The following FBXW8 variants were observed in gnomAD, a reference collection of about 807,000 sequenced individuals.
The protein encoded by FBXW8 is F-box/WD repeat-containing protein 8.
In FBXW8, 57 loss-of-function variants were observed where a neutral mutation model predicts 65.3. That is an observed-to-expected ratio of 0.87 (90% CI 0.71 to 1.09). FBXW8 has a LOEUF of 1.09. Ranked by LOEUF, FBXW8 falls within the 50% of genes least tolerant of loss-of-function variation. FBXW8 has a pLI of 0.00. For synonymous variants in FBXW8, 308 were observed against 330.2 expected (o/e 0.93, Z 0.73); for missense variants, 777 against 814.8 (o/e 0.95, Z 0.57).
intron 7 of FBXW8, among the ~76,000 whole-genome samples, chr12:116,998,268 A>C (rs551597821): frequency 6.6e-6 from 1 of 152,368 alleles, no homozygotes; most frequent in Non-Finnish European, 1.5e-5. Context: ...GAGGGCTGGC[A>C]CCAAGTCTTA....
At chr12:117,018,376 A>C (rs938919264) in intron 8 of FBXW8, among the ~76,000 whole-genome samples, 2 of 152,180 alleles carry the variant, frequency 1.3e-5, no homozygotes, top group Non-Finnish European at 2.9e-5. Flanking sequence ...TTGTCCCTGG[A>C]ATCGGTTGTC....
intron 2 of FBXW8, among the ~76,000 whole-genome samples, chr12:116,941,346 C>A (rs1592864720): frequency 6.6e-6 from 1 of 152,198 alleles, no homozygotes; most frequent in Non-Finnish European, 1.5e-5. Context: ...TAGAGTGTGA[C>A]ACTTAGATTC....
chr12:116,922,249 GT>G (rs896811931), intron 1 of FBXW8, among the ~76,000 whole-genome samples: 1 of 151,868 alleles, frequency 6.6e-6, no homozygotes, highest in Admixed American at 6.6e-5. Flanking sequence ...CAGCCAACCA[GT>G]TTTTTTCTTC....
chr12:117,001,140 GTGTT>G (rs1288523783), intron 7 of FBXW8, among the ~76,000 whole-genome samples: 8 of 152,210 alleles, frequency 5.3e-5, no homozygotes, highest in African/African-American at 9.6e-5. Context: ...CATATGTGTA[GTGTT>G]TGTTTATGTG....
chr12:116,966,720 A>C, intron 5 of FBXW8, among the ~76,000 whole-genome samples: 1 of 150,940 alleles, frequency 6.6e-6, no homozygotes, highest in East Asian at 1.9e-4. Flanking sequence ...TAAAGAATCT[A>C]CTTTTTTTTT....
At position 117,027,410 on chromosome 12, in the gene FBXW8, A is replaced by G; in HGVS notation, c.1558A>G (p.Ile520Val). 1 of 1,614,036 alleles carries G rather than the reference A, an allele frequency of 6.2e-7. No homozygotes were observed. The highest frequency in any genetic ancestry group is 1.3e-5 in the African/African-American group (1 of 75,050). The change falls in exon 10 of 11, where the codon ATC becomes GTC. Residue 520 changes from isoleucine (I) to valine (V), a missense_variant. Coordinates refer to ENST00000652555, the MANE Select transcript of FBXW8 (RefSeq NM_153348.3). ...EVYSGHPVQH[I>V]SFSSHSLITA... is the part of the protein sequence containing the mutation. ...GCCTTCCAGGCACCCGGTGCAGCAC[A>G]TCTCATTCAGCAGCCACAGCCTCAT... is the stretch of plus-strand genomic sequence containing the variant.
intron 2 of FBXW8, among the ~76,000 whole-genome samples, chr12:116,939,748 A>G (rs1363944818): frequency 6.6e-6 from 1 of 152,180 alleles, no homozygotes; most frequent in Non-Finnish European, 1.5e-5. Flanking sequence ...TGTTACCTTT[A>G]TCTTACACCT....
chr12:117,028,389 C>T lies in FBXW8; in HGVS notation c.*217C>T. 1.7e-6 allele frequency: 1 copy of T among 605,200 alleles called. No individual in the cohort carries two copies. The highest frequency in any genetic ancestry group is 2.9e-6 in the Non-Finnish European group (1 of 349,212). 37.5% of individuals were successfully genotyped at this position (605,200 alleles called of 1,614,324 possible). ...GGGCTCGAGTCCCACGTGCTGCCAA[C>T]TCAAACATAGCCTCCTTCCCCACCC... On this transcript the variant is annotated 3_prime_UTR_variant, in exon 11 of 11. Transcript: ENST00000652555. This position sits in a 1 kb window ranked among gnomAD's most constrained non-coding sequence, Gnocchi z 4.1.
intron 8 of FBXW8, among the ~76,000 whole-genome samples, chr12:117,012,309 G>A (rs1592957699): frequency 1.3e-5 from 2 of 152,184 alleles, no homozygotes; most frequent in Middle Eastern, 6.8e-3. Flanking sequence ...AAAACGCTCT[G>A]TCTCTGTGGA....
intron 4 of FBXW8, among the ~76,000 whole-genome samples, chr12:116,956,503 T>A (rs1387441187): frequency 6.6e-6 from 1 of 152,162 alleles, no homozygotes; most frequent in Admixed American, 6.5e-5. Context: ...TCATACACCC[T>A]GGCGTCAGAG....
intron 7 of FBXW8, among the ~76,000 whole-genome samples, chr12:117,002,175 G>T (rs1953539201): frequency 6.6e-6 from 1 of 152,236 alleles, no homozygotes. Context: ...GGCACTGCCT[G>T]CCCGGGAAGA....
At chr12:117,010,586 C>A in intron 8 of FBXW8, 136 bp downstream of exon 8, 1 of 1,121,706 alleles carries the variant, frequency 8.9e-7, no homozygotes, top group East Asian at 2.4e-5. Context: ...CCCATAAACA[C>A]TCTAGACTCA....
chr12:116,924,310 A>G (rs1333587633), intron 1 of FBXW8, among the ~76,000 whole-genome samples: 1 of 152,180 alleles, frequency 6.6e-6, no homozygotes, highest in African/African-American at 2.4e-5. Context: ...TTTAATGGAC[A>G]CATTATAATT....
intron 8 of FBXW8, among the ~76,000 whole-genome samples, chr12:117,023,883 C>T (rs1019479719): frequency 1.3e-5 from 2 of 152,236 alleles, no homozygotes; most frequent in Non-Finnish European, 2.9e-5. Flanking sequence ...GGTGGCTTTT[C>T]CCTGTTAAGC....
chr12:116,976,344 T>C (rs1448228591), intron 5 of FBXW8, among the ~76,000 whole-genome samples: 1 of 151,654 alleles, frequency 6.6e-6, no homozygotes, highest in Non-Finnish European at 1.5e-5. Context: ...ATCTTGCTAT[T>C]TGTCTTCAAG....
intron 8 of FBXW8, among the ~76,000 whole-genome samples, chr12:117,020,828 G>A (rs779241342): frequency 1.3e-5 from 2 of 152,176 alleles, no homozygotes; most frequent in Non-Finnish European, 2.9e-5. Flanking sequence ...CACTTCCTAC[G>A]TGAGCTCAGC....
At chr12:116,928,714 T>C (rs1593048379) in intron 2 of FBXW8, among the ~76,000 whole-genome samples, 3 of 152,114 alleles carry the variant, frequency 2.0e-5, no homozygotes, top group Non-Finnish European at 4.4e-5. Context: ...TGGTGGGAGA[T>C]ATCATTTAGG....
intron 5 of FBXW8, among the ~76,000 whole-genome samples, chr12:116,981,614 T>G (rs80131433): frequency 3.1e-5 from 1 of 32,204 alleles, no homozygotes; most frequent in African/African-American, 4.4e-5. Flanking sequence ...TGTGAAGTTC[T>G]TTTTTTTTTT....
intron 4 of FBXW8, among the ~76,000 whole-genome samples, chr12:116,952,272 GTTTGCACAAATGATAAA>G (rs1431632549): frequency 6.6e-6 from 1 of 152,170 alleles, no homozygotes; most frequent in East Asian, 1.9e-4. Flanking sequence ...ACTCTGTGAT[GTTTGCACAAATGATAAA>G]TTCACCAAAG....
Sources: allele counts gnomAD v4.1 joint callset (sites outside exome capture counted in the v4.1 genomes callset), GRCh38; gene constraint gnomAD v4.1.1; non-coding constraint Gnocchi (gnomAD v3.1); transcripts MANE v1.5; gene names NCBI Gene and HGNC (gene_info 2026-07-23, HGNC 2026-07-21).